CHCHD3: variants seen among roughly 807,000 people sequenced by gnomAD.
CHCHD3 encodes MICOS complex subunit MIC19.
In CHCHD3, 20 loss-of-function variants were observed where a neutral mutation model predicts 38.2. The observed-to-expected ratio is 0.52, with a 90% CI of 0.37 to 0.76. The LOEUF (loss-of-function observed/expected upper bound fraction) is 0.76, where lower values mean the gene tolerates loss of function less well. CHCHD3 is among the 30% of genes least tolerant of loss of function. The pLI, the probability that CHCHD3 is intolerant of heterozygous loss-of-function variation, is 0.00. For missense variants in CHCHD3, 245 were observed against 279.2 expected (o/e 0.88, Z 0.87); for synonymous variants, 82 against 100.0 (o/e 0.82, Z 1.07).
chr7:132,826,086 T>C (rs1257098480), intron 6 of CHCHD3, among the ~76,000 whole-genome samples: 3 of 152,202 alleles, frequency 2.0e-5, no homozygotes, highest in African/African-American at 7.2e-5. Context: ...ATAGTCAGCT[T>C]TGTTGAGATC....
chr7:132,887,094 A>G, intron 4 of CHCHD3: 1 of 535,244 alleles, frequency 1.9e-6, no homozygotes, highest in Non-Finnish European at 2.8e-6. Context: ...TTAAAATGCA[A>G]GCCAAAGAAG....
chr7:132,991,798 C>G (rs1812290993), intron 3 of CHCHD3, among the ~76,000 whole-genome samples: 1 of 152,022 alleles, frequency 6.6e-6, no homozygotes, highest in Non-Finnish European at 1.5e-5. Context: ...TTTATTAGCA[C>G]TTTATGAGAC....
chr7:132,947,792 CA>C (rs1461798884), intron 4 of CHCHD3, among the ~76,000 whole-genome samples: 1 of 151,412 alleles, frequency 6.6e-6, no homozygotes, highest in Non-Finnish European at 1.5e-5. Context: ...TGTTAAACTC[CA>C]AATTTAAAAA....
chr7:133,042,368 CCAA>C (rs2117483119), intron 2 of CHCHD3, among the ~76,000 whole-genome samples: 1 of 151,598 alleles, frequency 6.6e-6, no homozygotes, highest in Admixed American at 6.6e-5. Flanking sequence ...AGACACACCT[CCAA>C]GGCTTAACAC....
At chr7:132,966,697 A>G (rs1277210932) in intron 4 of CHCHD3, among the ~76,000 whole-genome samples, 1 of 152,226 alleles carries the variant, frequency 6.6e-6, no homozygotes, top group Non-Finnish European at 1.5e-5. Flanking sequence ...ACTTGCCATG[A>G]AGACAATCTG....
intron 5 of CHCHD3, among the ~76,000 whole-genome samples, chr7:132,863,403 A>G (rs1312232556): frequency 6.6e-6 from 1 of 152,196 alleles, no homozygotes; most frequent in Admixed American, 6.5e-5. Context: ...AATATTCAGT[A>G]AACCAGGCTG....
intron 5 of CHCHD3, among the ~76,000 whole-genome samples, chr7:132,850,793 C>T (rs1043438313): frequency 2.0e-5 from 3 of 152,072 alleles, no homozygotes; most frequent in African/African-American, 7.2e-5. Flanking sequence ...CACATAAATA[C>T]ATAGTTAGTA....
chr7:133,017,556 A>C (rs189972845), intron 3 of CHCHD3, among the ~76,000 whole-genome samples: 2 of 152,220 alleles, frequency 1.3e-5, no homozygotes, highest in African/African-American at 4.8e-5. Flanking sequence ...AAATGACTTC[A>C]AACACTGCAC....
At position 132,917,812 on chromosome 7, in the gene CHCHD3, T is replaced by C. The variant is rs1585636445; in HGVS notation, c.370-32067A>G. Among the ~76,000 whole-genome samples the C allele has an allele frequency of 2.3e-5, 3 of 131,496 alleles. 1 individual carries two copies. Among genetic ancestry groups the C allele is most frequent in the Middle Eastern group, 0.01 (2 of 198 alleles). The allele number at this position is 131,496 out of a possible 152,430, so 86.3% of individuals were successfully genotyped here. On this transcript the variant is annotated intron_variant, in intron 4 of 7. Coordinates refer to ENST00000262570, the MANE Select transcript of CHCHD3 (RefSeq NM_017812.4). Reference sequence around the variant, plus strand: ...AGGCGGAGCTTGCAGTGAGCAAAGATCGCGCCACTGCCCTCCAGCCTGGGT... The same window carrying C: ...AGGCGGAGCTTGCAGTGAGCAAAGACCGCGCCACTGCCCTCCAGCCTGGGT...
At chr7:132,959,221 C>T (rs887053336) in intron 4 of CHCHD3, among the ~76,000 whole-genome samples, 1 of 152,220 alleles carries the variant, frequency 6.6e-6, no homozygotes, top group Non-Finnish European at 1.5e-5. Flanking sequence ...TGAGGCTATA[C>T]TCACATTCCA....
intron 2 of CHCHD3, among the ~76,000 whole-genome samples, chr7:133,046,739 T>A (rs1047908008): frequency 6.6e-6 from 1 of 151,998 alleles, no homozygotes. Flanking sequence ...ATTTTTTGTG[T>A]TTTTTAGTAG....
chr7:133,063,232 T>C (rs1044530968), intron 2 of CHCHD3, among the ~76,000 whole-genome samples: 1 of 152,108 alleles, frequency 6.6e-6, no homozygotes, highest in Non-Finnish European at 1.5e-5. Flanking sequence ...AGAAAAGGTG[T>C]CCTAGGCCTG....
At chr7:132,903,643 G>C (rs1809724466) in intron 4 of CHCHD3, among the ~76,000 whole-genome samples, 1 of 152,254 alleles carries the variant, frequency 6.6e-6, no homozygotes, top group South Asian at 2.1e-4. Context: ...TTGCCTTCTG[G>C]GGAAGTCAGA....
chr7:132,933,499 A>C (rs1810565112), intron 4 of CHCHD3, among the ~76,000 whole-genome samples: 1 of 152,186 alleles, frequency 6.6e-6, no homozygotes, highest in Non-Finnish European at 1.5e-5. Flanking sequence ...TGCCCTTTGG[A>C]ATCACTGGAG....
Position 132,973,658 on chromosome 7 carries a change from A to G in CHCHD3, c.369+1511T>C, listed in dbSNP as rs1229486244. On this transcript the variant is annotated intron_variant, in intron 4 of 7. Coordinates refer to ENST00000262570, the MANE Select transcript of CHCHD3 (RefSeq NM_017812.4). ...TATTTGCCCATGCAACCGGGACCCC[A>G]GATTTGTCACTGAAGAAACTGATTC... The G allele has an allele frequency of 2.9e-6, 3 of 1,022,460 alleles. No individual in the cohort carries two copies. In the East Asian group the frequency reaches 2.9e-4, roughly 98 times the overall value. The allele number at this position is 1,022,460 out of a possible 1,614,324, so 63.3% of individuals were successfully genotyped here.
At chr7:132,847,780 G>A (rs1307848938) in intron 5 of CHCHD3, among the ~76,000 whole-genome samples, 1 of 152,154 alleles carries the variant, frequency 6.6e-6, no homozygotes, top group Non-Finnish European at 1.5e-5. Context: ...TCTGAATCTT[G>A]TTTTATTATA....
In CHCHD3 at chr7:132,785,649, C is replaced by T. The variant is rs1806296613; in HGVS notation, c.672G>A (p.Glu224=). ...CVNHAKQSML[E]KGG ...ATTCTGAAAGTTTTTATCCTCCCTT[C>T]TCAAGCATGCTCTGCAAGAAAAACA... The change falls in exon 8 of 8, where the codon GAG becomes GAA. Residue 224 remains glutamate (E), a synonymous_variant. Transcript: ENST00000262570. 1.9e-6 allele frequency: 3 copies of T among 1,613,972 alleles called. No homozygotes were observed. The highest frequency in any genetic ancestry group is 2.5e-6 in the Non-Finnish European group (3 of 1,180,024).
At chr7:132,815,084 G>A (rs1014902786) in intron 6 of CHCHD3, among the ~76,000 whole-genome samples, 1 of 152,152 alleles carries the variant, frequency 6.6e-6, no homozygotes, top group Non-Finnish European at 1.5e-5. Context: ...AAAGCAATGA[G>A]AGCATTTTAT....
intron 5 of CHCHD3, among the ~76,000 whole-genome samples, chr7:132,879,626 C>A (rs1008102618): frequency 2.8e-5 from 4 of 143,902 alleles, no homozygotes; most frequent in South Asian, 4.5e-4. Context: ...CCCACAGGAC[C>A]AACAGACTCC....
Sources: gnomAD v4.1 joint callset for allele counts (sites outside exome capture counted in the v4.1 genomes callset) on GRCh38, gnomAD v4.1.1 for gene constraint, MANE v1.5 for transcripts, NCBI Gene and HGNC (gene_info 2026-07-23, HGNC 2026-07-21) for gene names.